The following SEMA5A variants were observed in gnomAD, a reference collection of about 807,000 sequenced individuals.
SEMA5A encodes semaphorin 5A, also known as semaphorin-5A.
Under a neutral mutation model 135.5 loss-of-function variants are expected in SEMA5A, and 55 were observed. The observed-to-expected ratio is 0.41, with a 90% confidence interval of 0.33 to 0.51. SEMA5A has a LOEUF of 0.51. SEMA5A is among the 20% of genes least tolerant of loss of function. SEMA5A has a pLI of 0.37. For synonymous variants in SEMA5A, 580 were observed against 546.5 expected, an observed-to-expected ratio of 1.06 and a Z score of -0.85; for missense variants, 1,290 against 1,419.9, an observed-to-expected ratio of 0.91 and a Z score of 1.47.
At chr5:9,290,739 T>C (rs2150583618) in intron 5 of SEMA5A, among the ~76,000 whole-genome samples, 1 of 152,302 alleles carries the variant, frequency 6.6e-6, no homozygotes, top group East Asian at 1.9e-4. Context: ...TTCACAATTT[T>C]TCAATATCTT....
intron 16 of SEMA5A, among the ~76,000 whole-genome samples, chr5:9,087,355 T>G (rs1341391171): frequency 6.6e-6 from 1 of 152,178 alleles, no homozygotes; most frequent in East Asian, 1.9e-4. Flanking sequence ...TCATTTATCT[T>G]GAAGTTTCCT....
intron 15 of SEMA5A, among the ~76,000 whole-genome samples, chr5:9,109,027 A>ATTTTT (rs1305606521): frequency 1.2e-4 from 14 of 118,952 alleles, no homozygotes; most frequent in East Asian, 7.9e-4. Context: ...ATTTCTCTTC[A>ATTTTT]ATTTTTTTTT....
At chr5:9,453,761 C>T (rs1240006016) in intron 1 of SEMA5A, among the ~76,000 whole-genome samples, 1 of 152,164 alleles carries the variant, frequency 6.6e-6, no homozygotes, top group Non-Finnish European at 1.5e-5. Flanking sequence ...GCAGTGACTT[C>T]ATAGAGCATA....
At chr5:9,507,404 T>C (rs1333747504) in intron 1 of SEMA5A, among the ~76,000 whole-genome samples, 4 of 152,188 alleles carry the variant, frequency 2.6e-5, no homozygotes, top group African/African-American at 7.2e-5. Context: ...ATTTTGTTTT[T>C]CCCACACATG....
At chr5:9,426,512 G>A (rs1757668803) in intron 2 of SEMA5A, among the ~76,000 whole-genome samples, 1 of 143,668 alleles carries the variant, frequency 7.0e-6, no homozygotes, top group South Asian at 2.2e-4. Flanking sequence ...ACAAGGAACT[G>A]TTTAATGACT....
At chr5:9,101,961 A>G (rs1739656001) in intron 16 of SEMA5A, among the ~76,000 whole-genome samples, 1 of 152,238 alleles carries the variant, frequency 6.6e-6, no homozygotes, top group Non-Finnish European at 1.5e-5. Flanking sequence ...AGCTTAGCAT[A>G]TATTGGGGTG....
At chr5:9,065,860 C>G (rs1247920143) in intron 17 of SEMA5A, among the ~76,000 whole-genome samples, 1 of 152,222 alleles carries the variant, frequency 6.6e-6, no homozygotes, top group Non-Finnish European at 1.5e-5. Context: ...GAGGCCAGAT[C>G]TGGTTTCTGC....
chr5:9,168,569 C>T (rs1030221127), intron 11 of SEMA5A, among the ~76,000 whole-genome samples: 5 of 152,210 alleles, frequency 3.3e-5, no homozygotes, highest in African/African-American at 1.2e-4. Flanking sequence ...CTCCCTCCAT[C>T]TCAGAAGCTC....
intron 3 of SEMA5A, among the ~76,000 whole-genome samples, chr5:9,343,898 A>C (rs1753754546): frequency 6.6e-6 from 1 of 152,156 alleles, no homozygotes; most frequent in Non-Finnish European, 1.5e-5. Flanking sequence ...GTGTACCCCC[A>C]AAATAAGATA....
At chr5:9,524,776 A>C (rs980602493) in intron 1 of SEMA5A, among the ~76,000 whole-genome samples, 7 of 152,220 alleles carry the variant, frequency 4.6e-5, no homozygotes, top group Non-Finnish European at 1.0e-4. Context: ...AAATATATAC[A>C]TAAACACTTT....
intron 12 of SEMA5A, among the ~76,000 whole-genome samples, chr5:9,151,498 T>C (rs1184357095): frequency 6.6e-6 from 1 of 152,206 alleles, no homozygotes; most frequent in African/African-American, 2.4e-5. Flanking sequence ...AAGATTAAAA[T>C]TGCTTTTGTC....
At chr5:9,228,420 C>G (rs901760588) in intron 6 of SEMA5A, among the ~76,000 whole-genome samples, 2 of 152,200 alleles carry the variant, frequency 1.3e-5, no homozygotes, top group African/African-American at 4.8e-5. Flanking sequence ...GCATGGCGCT[C>G]TCATTGTGTA....
At chr5:9,494,971 G>C (rs1380385199) in intron 1 of SEMA5A, among the ~76,000 whole-genome samples, 1 of 152,084 alleles carries the variant, frequency 6.6e-6, no homozygotes, top group Non-Finnish European at 1.5e-5. Flanking sequence ...ATTTTTAACT[G>C]TCCATATATA....
intron 6 of SEMA5A, among the ~76,000 whole-genome samples, chr5:9,233,282 A>G (rs1290668939): frequency 2.6e-5 from 4 of 152,264 alleles, no homozygotes; most frequent in Non-Finnish European, 5.9e-5. Context: ...TTATAGCCCA[A>G]CACACACAAG....
At chr5:9,419,623 T>C (rs1210959512) in intron 2 of SEMA5A, among the ~76,000 whole-genome samples, 2 of 152,132 alleles carry the variant, frequency 1.3e-5, no homozygotes, top group Non-Finnish European at 2.9e-5. Flanking sequence ...GAGTCACAGG[T>C]GGGCCCTGAT....
At chr5:9,121,800 A>G (rs938077810) in intron 14 of SEMA5A, among the ~76,000 whole-genome samples, 4 of 152,210 alleles carry the variant, frequency 2.6e-5, no homozygotes, top group Non-Finnish European at 5.9e-5. Context: ...TTGCTCCTGC[A>G]CTTTACTTTC....
intron 1 of SEMA5A, among the ~76,000 whole-genome samples, chr5:9,506,693 G>T (rs1735899111): frequency 1.3e-5 from 2 of 152,316 alleles, no homozygotes; most frequent in South Asian, 2.1e-4. Context: ...AGAAGGTGAT[G>T]AAATTTATCA....
At chr5:9,140,904 C>T (rs1431524121) in intron 12 of SEMA5A, among the ~76,000 whole-genome samples, 1 of 152,142 alleles carries the variant, frequency 6.6e-6, no homozygotes, top group Non-Finnish European at 1.5e-5. Flanking sequence ...TGCAAAGCTG[C>T]TTGGAGACTT....
Position 9,361,319 on chromosome 5 carries a change from AAAC to A in SEMA5A, c.124+18501_124+18503del, listed in dbSNP as rs200455742. ...GTCTCAAAAAAAAAAAAAAAATTGC[AAAC>A]AACAACAACAACAAAAACTCAATTC... On this transcript the variant is annotated intron_variant, in intron 3 of 22. Coordinates refer to ENST00000382496, the MANE Select transcript of SEMA5A (RefSeq NM_003966.3). 1.5e-3 allele frequency among the ~76,000 whole-genome samples: 228 copies of A among 151,150 alleles called. 3 individuals carry two copies. Among genetic ancestry groups the A allele is most frequent in the Non-Finnish European group, 2.5e-3 (166 of 67,718 alleles).
Sources: allele counts gnomAD v4.1 joint callset (sites outside exome capture counted in the v4.1 genomes callset), GRCh38; gene constraint gnomAD v4.1.1; transcripts MANE v1.5; gene names NCBI Gene and HGNC (gene_info 2026-07-23, HGNC 2026-07-21).